ABHD12: variants seen among roughly 807,000 people sequenced by gnomAD.
The protein encoded by ABHD12 is abhydrolase domain containing 12, lysophospholipase.
A neutral mutation model predicts 58.3 loss-of-function variants in ABHD12; 43 were observed. The observed-to-expected ratio is 0.74, with a 90% CI of 0.58 to 0.95. ABHD12 has a LOEUF of 0.95. Ranked by LOEUF, ABHD12 falls within the 40% of genes least tolerant of loss-of-function variation. ABHD12 has a pLI of 0.00. For synonymous variants in ABHD12, 219 were observed against 211.2 expected, an observed-to-expected ratio of 1.04 and a Z score of -0.32; for missense variants, 539 against 537.2, an observed-to-expected ratio of 1.00 and a Z score of -0.03.
intron 1 of ABHD12, chr20:25,368,698 A>G (rs2089858399): frequency 7.4e-7 from 1 of 1,349,206 alleles, no homozygotes; most frequent in South Asian, 1.2e-5. Flanking sequence ...GTCTGCAAAC[A>G]GGTTGAAGGA....
chr20:25,387,913 C>T (rs548714369), intron 1 of ABHD12, among the ~76,000 whole-genome samples: 11 of 151,642 alleles, frequency 7.3e-5, no homozygotes, highest in South Asian at 4.2e-4. Context: ...CGGTGACGGG[C>T]GCCTGTAATC....
At chr20:25,311,069 A>G (rs774789312) in intron 6 of ABHD12, among the ~76,000 whole-genome samples, 8 of 152,174 alleles carry the variant, frequency 5.3e-5, no homozygotes, top group Non-Finnish European at 1.2e-4. Context: ...TTCCCAGCCC[A>G]CAACTGTCAT....
intron 5 of ABHD12, among the ~76,000 whole-genome samples, chr20:25,315,910 G>C (rs990680774): frequency 1.3e-5 from 2 of 152,192 alleles, no homozygotes; most frequent in Non-Finnish European, 2.9e-5. Flanking sequence ...GAGGGGAGGA[G>C]AGTGAGGCTG....
Position 25,339,885 on chromosome 20 carries a change from G to A in ABHD12, c.192-534C>T, listed in dbSNP as rs983840844. 2.0e-5 allele frequency: 14 copies of A among 716,854 alleles called. No homozygotes were observed. The East Asian group carries it at 2.8e-4, about 14-fold the overall frequency. 44.4% of individuals were successfully genotyped at this position (716,854 alleles called of 1,614,324 possible). On this transcript the variant is annotated intron_variant, in intron 1 of 12. Transcript: ENST00000339157. ...TGGCACGGTGTGTCCTTGCATTTAC[G>A]CGTGGGCGAGCCCCTCTGTACCCAC... is the stretch of plus-strand genomic sequence containing the variant.
Position 25,300,444 on chromosome 20 carries a change from T to C in ABHD12, c.*401A>G. The C allele has an allele frequency of 2.5e-6, 3 of 1,189,016 alleles. No individual in the cohort carries two copies. Among genetic ancestry groups the C allele is most frequent in the Non-Finnish European group, 3.2e-6 (3 of 946,026 alleles). 73.7% of individuals were successfully genotyped at this position (1,189,016 alleles called of 1,614,324 possible). ...GTGCTGGGAAGGTGCAGAAAGAACCTGGACCCCACGTTCTCTGTGGGTGGT... is the reference window on the plus strand; with the variant it reads ...GTGCTGGGAAGGTGCAGAAAGAACCCGGACCCCACGTTCTCTGTGGGTGGT... On this transcript the variant is annotated 3_prime_UTR_variant, in exon 13 of 13. Coordinates refer to ENST00000339157, the MANE Select transcript of ABHD12 (RefSeq NM_001042472.3).
Position 25,322,110 on chromosome 20 carries a change from G to A in ABHD12, c.422+1215C>T, listed in dbSNP as rs73345050. Among the ~76,000 whole-genome samples the A allele has an allele frequency of 2.0e-3, 307 of 152,084 alleles. 1 individual carries two copies. Among genetic ancestry groups the A allele is most frequent in the African/African-American group, 7.2e-3 (300 of 41,476 alleles). ...TCAGGCTCACTTCTCAGAGAAAAAC[G>A]GAAATGCTACAGTGAGGTTGGTCAA... On this transcript the variant is annotated intron_variant, in intron 3 of 12. Transcript: ENST00000339157.
At chr20:25,334,427 C>G (rs2089328529) in intron 2 of ABHD12, among the ~76,000 whole-genome samples, 1 of 151,350 alleles carries the variant, frequency 6.6e-6, no homozygotes. Context: ...CTACCAATGA[C>G]TTTCTTCACA....
chr20:25,330,565 T>A (rs1260789672), intron 2 of ABHD12, among the ~76,000 whole-genome samples: 2 of 152,244 alleles, frequency 1.3e-5, no homozygotes, highest in Admixed American at 1.3e-4. Context: ...AATGTCCCTG[T>A]CTGACAGCTC....
At chr20:25,369,838 T>A (rs1468868017) in intron 1 of ABHD12, among the ~76,000 whole-genome samples, 1 of 140,918 alleles carries the variant, frequency 7.1e-6, no homozygotes, top group Non-Finnish European at 1.5e-5. Context: ...CAGCACTCTG[T>A]GGGGGCTGAG....
chr20:25,330,328 C>T lies in ABHD12; in HGVS notation c.317-6898G>A, dbSNP rs927717571. On this transcript the variant is annotated intron_variant, in intron 2 of 12. Coordinates refer to ENST00000339157, the MANE Select transcript of ABHD12 (RefSeq NM_001042472.3). ...GGAGGGTCCTACGCCCACGGAGTCT[C>T]GCTGATTGCTAGCACAGCAGTCTGA... 4.6e-5 allele frequency among the ~76,000 whole-genome samples: 7 copies of T among 152,216 alleles called. No homozygotes were observed. In the South Asian group the frequency reaches 6.2e-4, roughly 14 times the overall value.
rs2088613694 is a variant in ABHD12, at chr20:25,300,401, A to G, written c.*444T>C. ...CAGGGCAGGAGGGGACGATGGAACC[A>G]CTGGAGTCATTCTGCATGTGCTGGG... On this transcript the variant is annotated 3_prime_UTR_variant, in exon 13 of 13. Coordinates refer to ENST00000339157, the MANE Select transcript of ABHD12 (RefSeq NM_001042472.3). The G allele has an allele frequency of 4.4e-6, 5 of 1,136,166 alleles. No homozygotes were observed. In the South Asian group the frequency reaches 1.1e-4, roughly 24 times the overall value. 70.4% of individuals were successfully genotyped at this position (1,136,166 alleles called of 1,614,324 possible).
At position 25,328,384 on chromosome 20, in the gene ABHD12, C is replaced by T. The variant is rs73345068; in HGVS notation, c.317-4954G>A. Among the ~76,000 whole-genome samples the T allele has an allele frequency of 6.6e-3, 1,001 of 152,266 alleles. 16 individuals carry two copies. The highest frequency in any genetic ancestry group is 0.023 in the African/African-American group (960 of 41,538). On this transcript the variant is annotated intron_variant, in intron 2 of 12. Coordinates refer to ENST00000339157, the MANE Select transcript of ABHD12 (RefSeq NM_001042472.3). ...GCCTCCTCAATACAACTCTGAATAT[C>T]CACACCTGGGGCCCAGTGCCCATCC...
chr20:25,309,501 T>C lies in ABHD12; in HGVS notation c.694A>G (p.Lys232Glu). The change falls in exon 7 of 13, where the codon AAA becomes GAA. Residue 232 changes from lysine to glutamate, a missense_variant. Physicochemically the swap from Lys to Glu is moderately conservative, Grantham distance 56 (BLOSUM62 1). Coordinates refer to ENST00000339157, the MANE Select transcript of ABHD12 (RefSeq NM_001042472.3). ...YDALHVFDWIKARSGDNPVYI... is the reference protein window; with the variant it reads ...YDALHVFDWIEARSGDNPVYI... Reference sequence around the variant, plus strand: ...ACGGGGTTGTCACCACTTCTTGCTTTGATCCAGTCAAAAACGTGGAGTGCG... The same window carrying C: ...ACGGGGTTGTCACCACTTCTTGCTTCGATCCAGTCAAAAACGTGGAGTGCG... The C allele has an allele frequency of 6.2e-7, 1 of 1,614,204 alleles. No individual in the cohort carries two copies. The highest frequency in any genetic ancestry group is 8.5e-7 in the Non-Finnish European group (1 of 1,180,028).
At chr20:25,338,108 T>A (rs2089402646) in intron 2 of ABHD12, among the ~76,000 whole-genome samples, 1 of 152,130 alleles carries the variant, frequency 6.6e-6, no homozygotes, top group Non-Finnish European at 1.5e-5. Flanking sequence ...CCTAAGTTTC[T>A]GTGATTAAGT....
At chr20:25,308,263 G>T (rs1455456939) in intron 8 of ABHD12, among the ~76,000 whole-genome samples, 194 bp downstream of exon 8, 2 of 152,234 alleles carry the variant, frequency 1.3e-5, no homozygotes, top group African/African-American at 4.8e-5. Flanking sequence ...ATGCGGCTCT[G>T]GGGCCAGACC....
intron 1 of ABHD12, chr20:25,390,268 G>A (rs2090151883): frequency 2.6e-6 from 1 of 380,342 alleles, no homozygotes; most frequent in Non-Finnish European, 4.7e-6. Flanking sequence ...TGGCGAGAGG[G>A]CCGGAGCAGG....
intron 8 of ABHD12, 58 bp from the exon 9 acceptor site, chr20:25,308,103 CCTG>C: frequency 1.6e-6 from 2 of 1,225,968 alleles, no homozygotes; most frequent in Non-Finnish European, 2.4e-6. Context: ...ATACATGTGG[CCTG>C]TGGGGCTCTG....
At chr20:25,374,410 T>G (rs191307206) in intron 1 of ABHD12, among the ~76,000 whole-genome samples, 2 of 152,358 alleles carry the variant, frequency 1.3e-5, no homozygotes, top group African/African-American at 4.8e-5. Context: ...GTTTTCATCT[T>G]CAGAAATTCA....
intron 11 of ABHD12, chr20:25,303,150 G>T: frequency 1.0e-6 from 1 of 975,888 alleles, no homozygotes. Context: ...CAATGGGCTT[G>T]GGAGATCCTC....
Sources: gnomAD v4.1 joint callset for allele counts (sites outside exome capture counted in the v4.1 genomes callset) on GRCh38, gnomAD v4.1.1 for gene constraint, MANE v1.5 for transcripts, NCBI Gene and HGNC (gene_info 2026-07-23, HGNC 2026-07-21) for gene names.